The following GRIN2A variants were observed in gnomAD, a reference collection of about 807,000 sequenced individuals.
GRIN2A encodes the protein glutamate receptor ionotropic, NMDA 2A.
GRIN2A carries 22 observed loss-of-function variants against 113.4 expected under a neutral mutation model. The ratio of observed to expected loss-of-function variants is 0.19; its 90% confidence interval spans 0.14 to 0.28. GRIN2A has a LOEUF of 0.28. Ranked by LOEUF, GRIN2A falls within the 10% of genes least tolerant of loss-of-function variation. The pLI is 1.00. For synonymous variants in GRIN2A, 827 were observed against 738.4 expected (o/e 1.12, Z -1.94); for missense variants, 1,502 against 1,887.0 (o/e 0.80, Z 3.78).
At chr16:10,120,154 A>G (rs1274294824) in intron 2 of GRIN2A, among the ~76,000 whole-genome samples, 3 of 152,184 alleles carry the variant, frequency 2.0e-5, no homozygotes, top group Non-Finnish European at 4.4e-5. Flanking sequence ...AGGAATCATC[A>G]CACTGCTTTC....
At chr16:10,127,470 A>G (rs1329152686) in intron 2 of GRIN2A, among the ~76,000 whole-genome samples, 1 of 152,082 alleles carries the variant, frequency 6.6e-6, no homozygotes, top group Non-Finnish European at 1.5e-5. Context: ...TTCCAATCTT[A>G]GCCTAACTAC....
intron 2 of GRIN2A, among the ~76,000 whole-genome samples, chr16:9,969,389 C>T (rs1225451834): frequency 6.6e-6 from 1 of 152,164 alleles, no homozygotes; most frequent in Non-Finnish European, 1.5e-5. Context: ...AGTTAGTGTT[C>T]CCCAAGGCTC....
chr16:9,928,502 G>T lies in GRIN2A; in HGVS notation c.1007+9457C>A, dbSNP rs78230703. Among the ~76,000 whole-genome samples, 734 of 152,154 alleles carry T rather than the reference G, an allele frequency of 4.8e-3. 7 individuals are homozygous for T. The highest frequency in any genetic ancestry group is 0.016 in the African/African-American group (679 of 41,502). ...TCAGATGTTGCCCAAATCGTGTCCA[G>T]AATGAAACAAAAACAGAGGTTTTCC... On this transcript the variant is annotated intron_variant, in intron 3 of 12. Transcript: ENST00000330684.
chr16:10,082,011 T>C (rs551724857), intron 2 of GRIN2A, among the ~76,000 whole-genome samples: 1 of 152,344 alleles, frequency 6.6e-6, no homozygotes, highest in Non-Finnish European at 1.5e-5. Flanking sequence ...CATAGGGTTA[T>C]GAAGCCACTG....
At chr16:9,906,881 T>G (rs372257062) in intron 3 of GRIN2A, among the ~76,000 whole-genome samples, 9 of 152,238 alleles carry the variant, frequency 5.9e-5, no homozygotes, top group African/African-American at 2.2e-4. Context: ...CTTGCTGTGT[T>G]GCCCAGGCTG....
chr16:9,791,661 G>A (rs1351607608), intron 11 of GRIN2A, among the ~76,000 whole-genome samples: 2 of 152,232 alleles, frequency 1.3e-5, no homozygotes, highest in Non-Finnish European at 2.9e-5. Context: ...CCCATCCAGC[G>A]GCCCAGAGCA....
chr16:9,767,701 T>C (rs889552032), intron 12 of GRIN2A, among the ~76,000 whole-genome samples: 7 of 152,098 alleles, frequency 4.6e-5, no homozygotes, highest in African/African-American at 1.7e-4. Flanking sequence ...AATGGACATA[T>C]AGATAAGAAG....
intron 3 of GRIN2A, among the ~76,000 whole-genome samples, chr16:9,934,616 G>T (rs971502823): frequency 2.2e-5 from 3 of 135,466 alleles, no homozygotes; most frequent in African/African-American, 8.5e-5. Context: ...GGAGGCAGAG[G>T]TTGTAGTGAG....
chr16:9,979,108 C>T (rs1225114572), intron 2 of GRIN2A, among the ~76,000 whole-genome samples: 1 of 152,088 alleles, frequency 6.6e-6, no homozygotes, highest in Non-Finnish European at 1.5e-5. Flanking sequence ...AGAAAGTAAG[C>T]CAAGAGGAGA....
intron 2 of GRIN2A, among the ~76,000 whole-genome samples, chr16:10,178,323 C>T (rs1483112698): frequency 6.6e-6 from 1 of 152,192 alleles, no homozygotes; most frequent in Non-Finnish European, 1.5e-5. Context: ...AGATGGATGA[C>T]ATCATTAAAG....
At chr16:9,971,391 T>A (rs1412419419) in intron 2 of GRIN2A, among the ~76,000 whole-genome samples, 1 of 152,234 alleles carries the variant, frequency 6.6e-6, no homozygotes. Context: ...GCCAGCTCCA[T>A]CCACTTAGCC....
chr16:10,036,248 G>C (rs1230256532), intron 2 of GRIN2A, among the ~76,000 whole-genome samples: 1 of 152,004 alleles, frequency 6.6e-6, no homozygotes, highest in East Asian at 1.9e-4. Flanking sequence ...TTGGTGGCTT[G>C]AACAATATAA....
intron 2 of GRIN2A, among the ~76,000 whole-genome samples, chr16:10,120,851 G>A (rs1314271060): frequency 6.6e-6 from 1 of 151,474 alleles, no homozygotes; most frequent in Non-Finnish European, 1.5e-5. Context: ...CCTGCCCCAT[G>A]GTCCCCTATT....
chr16:9,829,390 C>A (rs1025872168), intron 9 of GRIN2A, 33 bp downstream of exon 9: 1 of 1,417,758 alleles, frequency 7.1e-7, no homozygotes, highest in Non-Finnish European at 1.0e-6. Flanking sequence ...TAAGACCAAC[C>A]CTCAGATGGA....
rs192008321 is a variant in GRIN2A at position 9,804,237 on chromosome 16, A to C, written c.2169-5773T>G. On this transcript the variant is annotated intron_variant, in intron 10 of 12. Coordinates refer to ENST00000330684, the MANE Select transcript of GRIN2A (RefSeq NM_001134407.3). ...TAGACAGTGTCAGAGTATTGGTCTG[A>C]TGTGGACCAATGGCATTTGGAGGGG... Among the ~76,000 whole-genome samples, 8 of 152,214 alleles carry C rather than the reference A, an allele frequency of 5.3e-5. 1 individual carries two copies. In the South Asian group the frequency reaches 6.2e-4, roughly 12 times the overall value.
intron 2 of GRIN2A, among the ~76,000 whole-genome samples, chr16:10,001,854 C>A (rs563567215): frequency 2.0e-5 from 3 of 152,258 alleles, no homozygotes; most frequent in African/African-American, 7.2e-5. Context: ...ATAAAATGTC[C>A]ACCACAACGG....
intron 5 of GRIN2A, among the ~76,000 whole-genome samples, chr16:9,848,775 T>C (rs1216092963): frequency 8.7e-6 from 1 of 114,768 alleles, no homozygotes; most frequent in East Asian, 2.1e-4. Context: ...TACACTGTTT[T>C]ATATATTTAA....
intron 2 of GRIN2A, among the ~76,000 whole-genome samples, chr16:9,992,772 C>G (rs903559128): frequency 2.0e-5 from 3 of 152,160 alleles, no homozygotes; most frequent in Non-Finnish European, 2.9e-5. Flanking sequence ...AAATCTGACA[C>G]AGAGAGACAA....
chr16:10,135,723 A>C (rs574666213), intron 2 of GRIN2A, among the ~76,000 whole-genome samples: 22 of 152,290 alleles, frequency 1.4e-4, no homozygotes, highest in African/African-American at 5.1e-4. Flanking sequence ...GCATGAGCTA[A>C]ACCTTCTCTC....
Sources: allele counts gnomAD v4.1 joint callset (sites outside exome capture counted in the v4.1 genomes callset), GRCh38; gene constraint gnomAD v4.1.1; transcripts MANE v1.5; gene names NCBI Gene and HGNC (gene_info 2026-07-23, HGNC 2026-07-21).